Variants in GRM3 observed in about 807,000 individuals in gnomAD.
GRM3 encodes the protein glutamate metabotropic receptor 3, also known as metabotropic glutamate receptor 3.
GRM3 carries 26 observed loss-of-function variants against 70.5 expected under a neutral mutation model. The observed-to-expected ratio is 0.37, with a 90% CI of 0.27 to 0.51. The LOEUF (loss-of-function observed/expected upper bound fraction) is 0.51. Ranked by LOEUF, GRM3 falls within the 20% of genes least tolerant of loss-of-function variation. The probability of loss-of-function intolerance (pLI) is 0.93; values close to 1 mark genes in which losing one functional copy is unlikely to be tolerated. For synonymous variants in GRM3, 443 were observed against 434.9 expected (o/e 1.02, Z -0.23); for missense variants, 859 against 1,123.8 (o/e 0.76, Z 3.37).
intron 1 of GRM3, among the ~76,000 whole-genome samples, chr7:86,697,965 C>A (rs1377537514): frequency 3.3e-5 from 5 of 152,002 alleles, no homozygotes; most frequent in African/African-American, 1.2e-4. Flanking sequence ...TTTTTAATCT[C>A]CATTTTATAG....
chr7:86,810,031 G>A (rs945653067), intron 3 of GRM3, among the ~76,000 whole-genome samples: 3 of 151,974 alleles, frequency 2.0e-5, no homozygotes, highest in African/African-American at 4.8e-5. Flanking sequence ...TTTTAAAATC[G>A]GATGAATATT....
At chr7:86,840,873 A>T (rs752620639) in intron 4 of GRM3, among the ~76,000 whole-genome samples, 1 of 152,000 alleles carries the variant, frequency 6.6e-6, no homozygotes, top group Non-Finnish European at 1.5e-5. Context: ...CAATTCCTAC[A>T]TCGCCAAAAT....
At chr7:86,788,983 C>CCAGTG (rs1443445818) in intron 3 of GRM3, among the ~76,000 whole-genome samples, 1 of 152,196 alleles carries the variant, frequency 6.6e-6, no homozygotes, top group Non-Finnish European at 1.5e-5. Flanking sequence ...TTCCTTCATT[C>CCAGTG]CAGTGACTTC....
At chr7:86,817,119 T>C (rs1798032897) in intron 3 of GRM3, among the ~76,000 whole-genome samples, 3 of 151,944 alleles carry the variant, frequency 2.0e-5, no homozygotes, top group Admixed American at 2.0e-4. Flanking sequence ...TTAGGGGAAA[T>C]GAAGCTTGTC....
At chr7:86,798,123 G>A (rs1381977301) in intron 3 of GRM3, among the ~76,000 whole-genome samples, 3 of 152,210 alleles carry the variant, frequency 2.0e-5, no homozygotes, top group Non-Finnish European at 4.4e-5. Context: ...CTCTGCTAGG[G>A]CAGTATAGAA....
intron 1 of GRM3, among the ~76,000 whole-genome samples, chr7:86,667,540 A>G (rs1349719749): frequency 6.6e-6 from 1 of 152,108 alleles, no homozygotes; most frequent in African/African-American, 2.4e-5. Context: ...ACAGCATCAT[A>G]TTCCAGCTAC....
intron 3 of GRM3, among the ~76,000 whole-genome samples, chr7:86,812,490 AG>A (rs1562872203): frequency 6.6e-6 from 1 of 151,834 alleles, no homozygotes; most frequent in East Asian, 1.9e-4. Context: ...TTCCAAAAAA[AG>A]GTTAGGATTA....
chr7:86,688,781 T>C (rs1278910674), intron 1 of GRM3, among the ~76,000 whole-genome samples: 1 of 147,912 alleles, frequency 6.8e-6, no homozygotes, highest in African/African-American at 2.5e-5. Context: ...TAATATGTGA[T>C]ATGAGAGATA....
intron 1 of GRM3, among the ~76,000 whole-genome samples, chr7:86,657,689 G>A (rs1210799158): frequency 1.3e-5 from 2 of 152,166 alleles, no homozygotes; most frequent in Non-Finnish European, 2.9e-5. Flanking sequence ...GGAAATAAAG[G>A]TTTGGGAGGC....
At chr7:86,820,198 G>A (rs1217386939) in intron 3 of GRM3, among the ~76,000 whole-genome samples, 1 of 152,136 alleles carries the variant, frequency 6.6e-6, no homozygotes, top group East Asian at 1.9e-4. Context: ...TGTCAATATT[G>A]TGGAAAAGGA....
At chr7:86,742,276 A>C (rs1033958038) in intron 1 of GRM3, among the ~76,000 whole-genome samples, 1 of 152,136 alleles carries the variant, frequency 6.6e-6, no homozygotes, top group Non-Finnish European at 1.5e-5. Context: ...GCTTTTGACA[A>C]CCTGGGGTCA....
intron 1 of GRM3, among the ~76,000 whole-genome samples, chr7:86,660,642 T>TGAC: frequency 1.3e-5 from 2 of 151,966 alleles, no homozygotes; most frequent in Admixed American, 1.3e-4. Flanking sequence ...CATTAGTTGA[T>TGAC]AAAAAGCACT....
chr7:86,728,191 A>G (rs1334784404), intron 1 of GRM3, among the ~76,000 whole-genome samples: 4 of 152,248 alleles, frequency 2.6e-5, no homozygotes, highest in Non-Finnish European at 2.9e-5. Flanking sequence ...CTCCTACAAC[A>G]GATGCTGTAA....
chr7:86,830,083 G>C (rs1379886464), intron 3 of GRM3, among the ~76,000 whole-genome samples: 1 of 152,160 alleles, frequency 6.6e-6, no homozygotes, highest in Non-Finnish European at 1.5e-5. Flanking sequence ...ACTATTCTCA[G>C]ACATGCCAAT....
At chr7:86,816,760 T>C (rs2116672520) in intron 3 of GRM3, among the ~76,000 whole-genome samples, 1 of 152,082 alleles carries the variant, frequency 6.6e-6, no homozygotes, top group African/African-American at 2.4e-5. Context: ...AACATATGCT[T>C]GCATGTGCCT....
In GRM3 at chr7:86,644,865, G is replaced by C. The variant is rs1345518216; in HGVS notation, c.-148G>C. The C allele has an allele frequency of 3.9e-6, 5 of 1,288,460 alleles. No homozygotes were observed. In the African/African-American group the frequency reaches 6.1e-5, roughly 16 times the overall value. The allele number at this position is 1,288,460 out of a possible 1,614,324, so 79.8% of individuals were successfully genotyped here. A position where few individuals can be genotyped will look rare whatever the true frequency, so the allele number is the denominator to read the frequency against. On this transcript the variant is annotated 5_prime_UTR_variant, in exon 1 of 6. Coordinates refer to ENST00000361669, the MANE Select transcript of GRM3 (RefSeq NM_000840.3). The stretch of plus-strand genomic sequence containing the variant: ...GCTCCAGTTCCTGCCAGGAGTTGTC[G>C]GTGCGAGGTAAGGGTCCCAGAGGAG...
chr7:86,760,964 GT>G (rs1337347290), intron 1 of GRM3, among the ~76,000 whole-genome samples: 1 of 152,070 alleles, frequency 6.6e-6, no homozygotes, highest in Non-Finnish European at 1.5e-5. Flanking sequence ...GAATAAATCA[GT>G]TTTTGAGTAT....
At chr7:86,655,315 G>T (rs1222176787) in intron 1 of GRM3, among the ~76,000 whole-genome samples, 1 of 152,094 alleles carries the variant, frequency 6.6e-6, no homozygotes, top group Non-Finnish European at 1.5e-5. Flanking sequence ...TTTTACCAAA[G>T]AAATTTTTAT....
At chr7:86,746,053 C>G (rs1023500032) in intron 1 of GRM3, among the ~76,000 whole-genome samples, 5 of 151,838 alleles carry the variant, frequency 3.3e-5, no homozygotes, top group Non-Finnish European at 5.9e-5. Context: ...TTTTCTCCTC[C>G]CTTCCTTTTT....
Sources: allele counts gnomAD v4.1 joint callset (sites outside exome capture counted in the v4.1 genomes callset), GRCh38; gene constraint gnomAD v4.1.1; transcripts MANE v1.5; gene names NCBI Gene and HGNC (gene_info 2026-07-23, HGNC 2026-07-21).